Variants in DIAPH2 observed in about 807,000 individuals in gnomAD.
The protein encoded by DIAPH2 is diaphanous related formin 2.
In DIAPH2, 35 loss-of-function variants were observed where a neutral mutation model predicts 92.7. That is an observed-to-expected ratio of 0.38 (90% confidence interval 0.29 to 0.50). The LOEUF (loss-of-function observed/expected upper bound fraction) is 0.50, where lower values mean the gene tolerates loss of function less well. Among genes scored for constraint, DIAPH2 ranks in the 20% least tolerant of loss-of-function variants. The pLI, the probability that DIAPH2 is intolerant of heterozygous loss-of-function variation, is 0.94. For missense variants in DIAPH2, 701 were observed against 819.5 expected (o/e 0.86, Z 1.77); for synonymous variants, 301 against 280.4 (o/e 1.07, Z -0.73).
chrX:96,749,365 A>G (rs1227242216), intron 3 of DIAPH2, among the ~76,000 whole-genome samples: 7 of 110,541 alleles, frequency 6.3e-5, no homozygotes, highest in Non-Finnish European at 1.3e-4. Flanking sequence ...TAGTGAGAAC[A>G]GTGTCACTAT....
chrX:96,941,030 C>T (rs1482486105), intron 12 of DIAPH2, among the ~76,000 whole-genome samples: 1 of 111,130 alleles, frequency 9.0e-6, no homozygotes, highest in Non-Finnish European at 1.9e-5. Context: ...ATTATTTACT[C>T]TAGACCCGAA....
In DIAPH2 at chrX:97,603,889, AC is replaced by A. The variant is rs925429183; in HGVS notation, c.*4575del. The A allele has an allele frequency of 2.7e-5, 3 of 111,939 alleles. No homozygotes were observed. Among genetic ancestry groups the A allele is most frequent in the Non-Finnish European group, 5.6e-5 (3 of 53,206 alleles). 9.2% of individuals were successfully genotyped at this position (111,939 alleles called of 1,213,427 possible). A position where few individuals can be genotyped will look rare whatever the true frequency, so the allele number is the denominator to read the frequency against. On this transcript the variant is annotated 3_prime_UTR_variant, in exon 27 of 27. Coordinates refer to ENST00000324765, the MANE Select transcript of DIAPH2 (RefSeq NM_006729.5). ...AGCCACCAAAATTCTTCTAGTCTCT[AC>A]CCATTATCCAATTCCAAAGCCTTTT... is the stretch of plus-strand genomic sequence containing the variant.
chrX:97,176,943 T>A (rs2067497473), intron 22 of DIAPH2, among the ~76,000 whole-genome samples: 1 of 112,151 alleles, frequency 8.9e-6, no homozygotes, highest in Admixed American at 9.5e-5. Flanking sequence ...ATACTTTAAA[T>A]CATCTCTAAA....
chrX:97,493,739 A>G (rs1286751301), intron 26 of DIAPH2, among the ~76,000 whole-genome samples: 1 of 107,064 alleles, frequency 9.3e-6, no homozygotes, highest in Non-Finnish European at 1.9e-5. Context: ...TACAAAAATT[A>G]GCCAGTTGTG....
At chrX:96,991,445 A>G (rs1014838305) in intron 17 of DIAPH2, among the ~76,000 whole-genome samples, 1 of 109,991 alleles carries the variant, frequency 9.1e-6, no homozygotes, top group Non-Finnish European at 1.9e-5. Context: ...ACCTGAGGAA[A>G]ATAAGGCAAA....
At chrX:97,570,910 T>G (rs2071365960) in intron 26 of DIAPH2, among the ~76,000 whole-genome samples, 1 of 111,999 alleles carries the variant, frequency 8.9e-6, no homozygotes. Flanking sequence ...TCTTCCTCTG[T>G]ACTAATCAAT....
At chrX:96,699,557 T>C (rs1310298901) in intron 1 of DIAPH2, among the ~76,000 whole-genome samples, 2 of 112,083 alleles carry the variant, frequency 1.8e-5, no homozygotes, top group Non-Finnish European at 3.8e-5. Context: ...CACAAAGAAT[T>C]ATTCAGTCTA....
chrX:97,230,648 G>A (rs867522729), intron 22 of DIAPH2, among the ~76,000 whole-genome samples: 1 of 112,023 alleles, frequency 8.9e-6, no homozygotes, highest in African/African-American at 3.2e-5. Context: ...TCTGCTTCCC[G>A]GGTTCTAGAG....
chrX:97,596,916 A>C (rs2071555907), intron 26 of DIAPH2, among the ~76,000 whole-genome samples: 1 of 112,364 alleles, frequency 8.9e-6, no homozygotes, highest in Non-Finnish European at 1.9e-5. Flanking sequence ...TTACACACAC[A>C]CACAAACATG....
chrX:97,166,818 G>A (rs919577072), intron 22 of DIAPH2, among the ~76,000 whole-genome samples: 2 of 111,478 alleles, frequency 1.8e-5, no homozygotes, highest in Non-Finnish European at 3.8e-5. Flanking sequence ...TGCTCCAAAC[G>A]GAACTACTAT....
intron 17 of DIAPH2, among the ~76,000 whole-genome samples, chrX:96,994,516 G>A (rs1401813301): frequency 1.8e-5 from 2 of 111,792 alleles, no homozygotes; most frequent in East Asian, 5.6e-4. Context: ...TTGAGGGAGA[G>A]GTTGGGAGTC....
intron 17 of DIAPH2, among the ~76,000 whole-genome samples, chrX:97,004,618 A>G (rs1208580591): frequency 9.0e-6 from 1 of 111,446 alleles, no homozygotes; most frequent in East Asian, 2.8e-4. Flanking sequence ...CGCCATTGGC[A>G]TATAGAAATG....
intron 5 of DIAPH2, among the ~76,000 whole-genome samples, chrX:96,909,232 A>G (rs749792974): frequency 8.9e-5 from 10 of 111,791 alleles, no homozygotes; most frequent in Non-Finnish European, 1.3e-4. Flanking sequence ...CCCTTGATTT[A>G]TGCTTACTTC....
intron 17 of DIAPH2, among the ~76,000 whole-genome samples, chrX:97,050,534 A>G (rs1266951030): frequency 9.3e-6 from 1 of 107,813 alleles, no homozygotes; most frequent in East Asian, 2.9e-4. Flanking sequence ...TCTTCTGGAA[A>G]GAAACTACTC....
At chrX:97,160,972 A>G (rs886984143) in intron 22 of DIAPH2, among the ~76,000 whole-genome samples, 2 of 109,661 alleles carry the variant, frequency 1.8e-5, no homozygotes, top group Non-Finnish European at 3.8e-5. Context: ...AATTCTTCTT[A>G]TTTTAACTTG....
chrX:96,745,281 C>A (rs150922946), intron 3 of DIAPH2, among the ~76,000 whole-genome samples: 1,195 of 111,567 alleles, frequency 0.011, 23 homozygotes, highest in African/African-American at 0.036. Context: ...GCTGGGATTA[C>A]AGGCATGAGC....
chrX:97,165,239 T>G (rs956376570), intron 22 of DIAPH2, among the ~76,000 whole-genome samples: 6 of 110,932 alleles, frequency 5.4e-5, no homozygotes, highest in Non-Finnish European at 9.4e-5. Context: ...CTCCTTCTGA[T>G]AGTGTGTTCA....
intron 25 of DIAPH2, among the ~76,000 whole-genome samples, chrX:97,428,131 A>G (rs1299687937): frequency 4.5e-5 from 5 of 110,737 alleles, no homozygotes; most frequent in African/African-American, 1.6e-4. Flanking sequence ...ACCCCATCCT[A>G]GAGAGTTTAT....
intron 25 of DIAPH2, among the ~76,000 whole-genome samples, chrX:97,427,423 G>T (rs966028461): frequency 2.7e-5 from 3 of 111,150 alleles, no homozygotes; most frequent in African/African-American, 9.8e-5. Context: ...GTATCAGACT[G>T]ATCTGAGTTC....
Sources: gnomAD v4.1 joint callset for allele counts (sites outside exome capture counted in the v4.1 genomes callset) on GRCh38, gnomAD v4.1.1 for gene constraint, MANE v1.5 for transcripts, NCBI Gene and HGNC (gene_info 2026-07-23, HGNC 2026-07-21) for gene names.